Variants in CORIN observed in about 807,000 individuals in gnomAD.
The protein encoded by CORIN is atrial natriuretic peptide-converting enzyme.
CORIN carries 117 observed loss-of-function variants against 125.3 expected under a neutral mutation model. The observed-to-expected ratio is 0.93, with a 90% CI of 0.80 to 1.09. The LOEUF is 1.09. Ranked by LOEUF, CORIN falls within the 50% of genes least tolerant of loss-of-function variation. The pLI, the probability that CORIN is intolerant of heterozygous loss-of-function variation, is 0.00. For missense variants in CORIN, 1,253 were observed against 1,306.7 expected, an observed-to-expected ratio of 0.96 and a Z score of 0.63; for synonymous variants, 450 against 466.4, an observed-to-expected ratio of 0.96 and a Z score of 0.45.
At chr4:47,691,194 T>C (rs898383729) in intron 6 of CORIN, among the ~76,000 whole-genome samples, 3 of 152,142 alleles carry the variant, frequency 2.0e-5, no homozygotes, top group African/African-American at 7.2e-5. Flanking sequence ...ATAAAAACCA[T>C]AGTTGGCCCA....
intron 9 of CORIN, among the ~76,000 whole-genome samples, chr4:47,676,529 A>T (rs1341324924): frequency 6.6e-6 from 1 of 152,164 alleles, no homozygotes; most frequent in East Asian, 1.9e-4. Context: ...TTAAGCATTG[A>T]CTTGCCTAAT....
In CORIN at chr4:47,781,990, T is replaced by C. The variant is rs978677821; in HGVS notation, c.409+4735A>G. On this transcript the variant is annotated intron_variant, in intron 3 of 21. Coordinates refer to ENST00000273857, the MANE Select transcript of CORIN (RefSeq NM_006587.4). ...TTAGAAGAAATAAAGAAGGACATTT[T>C]ATATTAATAAAAGGTTCAATATAAA... is the stretch of plus-strand genomic sequence containing the variant. Among the ~76,000 whole-genome samples the C allele has an allele frequency of 3.3e-5, 5 of 151,922 alleles. No individual in the cohort carries two copies. In the East Asian group the frequency reaches 9.7e-4, roughly 29 times the overall value.
chr4:47,691,399 C>G (rs1725762237), intron 6 of CORIN, among the ~76,000 whole-genome samples: 1 of 152,190 alleles, frequency 6.6e-6, no homozygotes, highest in Non-Finnish European at 1.5e-5. Context: ...TGTAAATACA[C>G]AGCCTACAAA....
intron 19 of CORIN, among the ~76,000 whole-genome samples, chr4:47,622,921 C>A (rs1032260620): frequency 6.6e-6 from 1 of 152,016 alleles, no homozygotes; most frequent in South Asian, 2.1e-4. Flanking sequence ...AGTGATCACT[C>A]TTCCTCGGAG....
intron 12 of CORIN, among the ~76,000 whole-genome samples, chr4:47,658,630 G>A (rs1724104670): frequency 1.3e-5 from 2 of 152,228 alleles, no homozygotes; most frequent in African/African-American, 4.8e-5. Flanking sequence ...GGGCAGTGGG[G>A]ACCTGGGCCT....
chr4:47,607,963 A>G (rs80217638), intron 19 of CORIN, among the ~76,000 whole-genome samples: 40,097 of 151,066 alleles, frequency 0.27, 6,357 homozygotes, highest in East Asian at 0.64. Context: ...AAGAAAAAAA[A>G]AAAAAGTACC....
intron 1 of CORIN, among the ~76,000 whole-genome samples, chr4:47,834,859 T>C: frequency 6.6e-6 from 1 of 152,224 alleles, no homozygotes; most frequent in South Asian, 2.1e-4. Context: ...CTAGTACGTA[T>C]TCCACAGTCT....
At chr4:47,760,439 C>T (rs540473197) in intron 4 of CORIN, among the ~76,000 whole-genome samples, 29 of 152,252 alleles carry the variant, frequency 1.9e-4, no homozygotes, top group African/African-American at 6.5e-4. Context: ...GTTCTTGGTG[C>T]TTTTGTCAAA....
At chr4:47,813,129 G>T (rs1440219) in intron 1 of CORIN, among the ~76,000 whole-genome samples, 1 of 152,028 alleles carries the variant, frequency 6.6e-6, no homozygotes, top group Non-Finnish European at 1.5e-5. Context: ...CCAGCTTTGT[G>T]GAGACAGGAC....
chr4:47,674,552 C>G, intron 9 of CORIN, 52 bp from the exon 10 acceptor site: 2 of 1,075,030 alleles, frequency 1.9e-6, no homozygotes, highest in Non-Finnish European at 2.9e-6. Context: ...AAATTCCTTA[C>G]CTAAGGATCT....
At chr4:47,621,516 G>T (rs1722307414) in intron 19 of CORIN, among the ~76,000 whole-genome samples, 1 of 152,132 alleles carries the variant, frequency 6.6e-6, no homozygotes, top group African/African-American at 2.4e-5. Flanking sequence ...TTTGTTTGTT[G>T]TTATTGTTTT....
intron 5 of CORIN, among the ~76,000 whole-genome samples, chr4:47,738,043 G>C (rs1343758710): frequency 6.6e-6 from 1 of 152,072 alleles, no homozygotes; most frequent in Non-Finnish European, 1.5e-5. Flanking sequence ...GTCTGAGGTG[G>C]GGATATCACT....
At chr4:47,755,311 TC>T (rs1416941214) in intron 4 of CORIN, among the ~76,000 whole-genome samples, 1 of 152,112 alleles carries the variant, frequency 6.6e-6, no homozygotes, top group Non-Finnish European at 1.5e-5. Flanking sequence ...AAAAGTATGC[TC>T]CCCCTTCCAT....
rs77018190 is a variant in CORIN, at chr4:47,653,539, T to C, written c.1843+14A>G. On this transcript the variant is annotated intron_variant, in intron 13 of 21. Transcript: ENST00000273857. ...CACTGTACATTCAAGAAAAGTACCA[T>C]TGCACATACATACCACAGTTTTCCT... is the stretch of plus-strand genomic sequence containing the variant. The C allele has an allele frequency of 2.0e-3, 3,214 of 1,602,230 alleles. 56 individuals are homozygous for C. In the African/African-American group the frequency reaches 0.037, roughly 19 times the overall value.
At chr4:47,794,515 A>G (rs1388182337) in intron 2 of CORIN, among the ~76,000 whole-genome samples, 1 of 152,200 alleles carries the variant, frequency 6.6e-6, no homozygotes, top group Non-Finnish European at 1.5e-5. Context: ...ATTTTAAGCT[A>G]GTTTTCATAA....
chr4:47,750,477 G>A (rs1006879228), intron 4 of CORIN, among the ~76,000 whole-genome samples: 47 of 152,164 alleles, frequency 3.1e-4, no homozygotes, highest in African/African-American at 1.1e-3. Context: ...GTTTAATGAA[G>A]GGCTCTGATC....
Position 47,837,904 on chromosome 4 carries a change from C to A in CORIN, c.46G>T (p.Ala16Ser), listed in dbSNP as rs760823219. ...GATCTTACCGGCTTTGGGGACCCGGCTCTGCGGCAGCGCTCTTCCGGAGCG... is the reference window on the plus strand; with the variant it reads ...GATCTTACCGGCTTTGGGGACCCGGATCTGCGGCAGCGCTCTTCCGGAGCG... ...ALAPEERCRRAGSPKPVLRAD... is the reference protein window; with the variant it reads ...ALAPEERCRRSGSPKPVLRAD... The change falls in exon 1 of 22, where the codon GCC (alanine) becomes TCC (serine). Residue 16 changes from alanine to serine, a missense_variant. Coordinates refer to ENST00000273857, the MANE Select transcript of CORIN (RefSeq NM_006587.4). 9.9e-6 allele frequency: 16 copies of A among 1,613,712 alleles called. No homozygotes were observed. In the East Asian group the frequency reaches 3.6e-4, roughly 36 times the overall value.
At chr4:47,807,415 A>T (rs563471467) in intron 1 of CORIN, among the ~76,000 whole-genome samples, 19 of 152,346 alleles carry the variant, frequency 1.2e-4, no homozygotes, top group African/African-American at 4.6e-4. Context: ...AGGCTGCCTA[A>T]TACAGTGATA....
At chr4:47,695,997 T>C (rs557468541) in intron 5 of CORIN, among the ~76,000 whole-genome samples, 2 of 152,318 alleles carry the variant, frequency 1.3e-5, no homozygotes, top group African/African-American at 4.8e-5. Flanking sequence ...TGTGCAATAG[T>C]GTAGTCGGCT....
Sources: gnomAD v4.1 joint callset for allele counts (sites outside exome capture counted in the v4.1 genomes callset) on GRCh38, gnomAD v4.1.1 for gene constraint, MANE v1.5 for transcripts, NCBI Gene and HGNC (gene_info 2026-07-23, HGNC 2026-07-21) for gene names.